ZPBP2: variants seen among roughly 807,000 people sequenced by gnomAD.
ZPBP2 encodes the protein zona pellucida binding protein 2.
A neutral mutation model predicts 37.5 loss-of-function variants in ZPBP2; 34 were observed. That is an observed-to-expected ratio of 0.91 (90% CI 0.69 to 1.21). The LOEUF is 1.21. Among genes scored for constraint, ZPBP2 ranks in the 50% most tolerant of loss-of-function variants. The pLI, the probability that ZPBP2 is intolerant of heterozygous loss-of-function variation, is 0.00. For synonymous variants in ZPBP2, 143 were observed against 138.4 expected, an observed-to-expected ratio of 1.03 and a Z score of -0.23; for missense variants, 397 against 413.5, an observed-to-expected ratio of 0.96 and a Z score of 0.35.
At chr17:39,876,562 T>C in intron 7 of ZPBP2, 120 bp from the exon 8 acceptor site, 5 of 1,058,244 alleles carry the variant, frequency 4.7e-6, no homozygotes, top group South Asian at 1.6e-5. Flanking sequence ...TGGTATAATA[T>C]AGGTACTGAA....
At position 39,868,233 on chromosome 17, in the gene ZPBP2, G is replaced by T; in HGVS notation, c.-122G>T. 1 of 1,128,172 alleles carries T rather than the reference G, an allele frequency of 8.9e-7. No homozygotes were observed. Among genetic ancestry groups the T allele is most frequent in the South Asian group, 1.5e-5 (1 of 64,752 alleles). 69.9% of individuals were successfully genotyped at this position (1,128,172 alleles called of 1,614,324 possible). On this transcript the variant is annotated 5_prime_UTR_variant, in exon 1 of 8. Transcript: ENST00000348931. Reference sequence around the variant, plus strand: ...CCGCTCCCGCCGTTGCGACGGACGGGTAGGGGAGGCGACCCCGGCGTTCTG... The same window carrying T: ...CCGCTCCCGCCGTTGCGACGGACGGTTAGGGGAGGCGACCCCGGCGTTCTG...
intron 7 of ZPBP2, among the ~76,000 whole-genome samples, chr17:39,875,775 A>C (rs910325283): frequency 6.7e-6 from 1 of 149,834 alleles, no homozygotes; most frequent in Non-Finnish European, 1.5e-5. Context: ...ACAGAGTTTC[A>C]CCATGTTGGC....
In ZPBP2 at chr17:39,877,352, A is replaced by C. The variant is rs2063395179; in HGVS notation, c.*543A>C. 6.6e-6 allele frequency: 1 copy of C among 152,238 alleles called. No homozygotes were observed. Among genetic ancestry groups the C allele is most frequent in the Admixed American group, 6.5e-5 (1 of 15,274 alleles). 9.4% of individuals were successfully genotyped at this position (152,238 alleles called of 1,614,324 possible). A position where few individuals can be genotyped will look rare whatever the true frequency, so the allele number is the denominator to read the frequency against. On this transcript the variant is annotated 3_prime_UTR_variant, in exon 8 of 8. Transcript: ENST00000348931. ...GAGTTCCATACACCCACTGCACCCCATACCCTCATTCCTCCTTACACAATT... is the reference window on the plus strand; with the variant it reads ...GAGTTCCATACACCCACTGCACCCCCTACCCTCATTCCTCCTTACACAATT...
rs1482450101 is a variant in ZPBP2 at position 39,868,692 on chromosome 17, G to C, written c.118+78G>C. On this transcript the variant is annotated intron_variant, in intron 2 of 7. Transcript: ENST00000348931. The stretch of plus-strand genomic sequence containing the variant: ...GCTCTTCCCGGAAGAGCTTCCTGGA[G>C]AGAAGGGGAACGAGCCAGCGTTTAT... 3.9e-6 allele frequency: 6 copies of C among 1,540,874 alleles called. No homozygotes were observed. The South Asian group carries it at 5.6e-5, about 14-fold the overall frequency.
rs1045416095 is a variant in ZPBP2 at position 39,877,067 on chromosome 17, A to G, written c.*258A>G. 2.9e-6 allele frequency: 1 copy of G among 340,678 alleles called. No individual in the cohort carries two copies. Among genetic ancestry groups the G allele is most frequent in the Admixed American group, 4.0e-5 (1 of 25,068 alleles). The allele number at this position is 340,678 out of a possible 1,614,324, so 21.1% of individuals were successfully genotyped here. A position where few individuals can be genotyped will look rare whatever the true frequency, so the allele number is the denominator to read the frequency against. On this transcript the variant is annotated 3_prime_UTR_variant, in exon 8 of 8. Coordinates refer to ENST00000348931, the MANE Select transcript of ZPBP2 (RefSeq NM_199321.3). ...AAATGTTTTATTGTTTACAAACGGT[A>G]TGTTGCTGTGTACCTAAGAGTATAG... is the stretch of plus-strand genomic sequence containing the variant.
intron 6 of ZPBP2, among the ~76,000 whole-genome samples, chr17:39,874,606 AT>A (rs2063380581): frequency 6.7e-6 from 1 of 149,968 alleles, no homozygotes; most frequent in Non-Finnish European, 1.5e-5. Flanking sequence ...TAAGTTTTGT[AT>A]TTTTTATTAG....
chr17:39,869,781 C>T (rs1212183382), intron 2 of ZPBP2, among the ~76,000 whole-genome samples: 1 of 135,614 alleles, frequency 7.4e-6, no homozygotes, highest in East Asian at 2.2e-4. Flanking sequence ...GGTGTGATCT[C>T]GGGTCGCTGC....
chr17:39,868,274 G>C lies in ZPBP2; in HGVS notation c.-81G>C. ...CGGCGTTCTGCTCCGCACTGTGGAG[G>C]AGGTGGGGAGGTGTTGGGCCAGGGC... On this transcript the variant is annotated 5_prime_UTR_variant, in exon 1 of 8. Coordinates refer to ENST00000348931, the MANE Select transcript of ZPBP2 (RefSeq NM_199321.3). 6.6e-7 allele frequency: 1 copy of C among 1,513,972 alleles called. No individual in the cohort carries two copies. Among genetic ancestry groups the C allele is most frequent in the Non-Finnish European group, 9.0e-7 (1 of 1,109,718 alleles). The allele number at this position is 1,513,972 out of a possible 1,614,324, so 93.8% of individuals were successfully genotyped here.
chr17:39,874,699 C>T (rs1429649248), intron 6 of ZPBP2, among the ~76,000 whole-genome samples: 2 of 152,098 alleles, frequency 1.3e-5, no homozygotes, highest in Non-Finnish European at 2.9e-5. Context: ...TCCCAAAGTG[C>T]TGGGATCACA....
intron 6 of ZPBP2, 155 bp downstream of exon 6, chr17:39,873,281 AT>A: frequency 5.2e-6 from 1 of 190,702 alleles, no homozygotes; most frequent in Non-Finnish European, 9.7e-6. Context: ...AGGAGGAAGT[AT>A]TTGAAAATCA....
rs367962337 is a variant in ZPBP2, at chr17:39,876,900, A to G, written c.*91A>G. The stretch of plus-strand genomic sequence containing the variant: ...ATCATAGATAGTTCCATTAAGTAAA[A>G]TCAGTAAGACCAAACCACTGGAAAA... On this transcript the variant is annotated 3_prime_UTR_variant, in exon 8 of 8. Coordinates refer to ENST00000348931, the MANE Select transcript of ZPBP2 (RefSeq NM_199321.3). 3.0e-5 allele frequency: 46 copies of G among 1,516,684 alleles called. 1 individual carries two copies. The highest frequency in any genetic ancestry group is 2.5e-4 in the East Asian group (11 of 43,260). 94.0% of individuals were successfully genotyped at this position (1,516,684 alleles called of 1,614,324 possible).
At chr17:39,874,777 G>A (rs9903250) in intron 6 of ZPBP2, among the ~76,000 whole-genome samples, 64,814 of 151,732 alleles carry the variant, frequency 0.43, 14,504 homozygotes, top group Non-Finnish European at 0.49. Context: ...TCTGAGACGG[G>A]GTCTCGCTCT....
In ZPBP2 at chr17:39,868,379, T is replaced by C. The variant is rs371535126; in HGVS notation, c.25T>C (p.Ser9Pro). MMRTCVLL[S>P]AVLWCLTGVQ... ...GATGATGCGAACGTGCGTCCTACTC[T>C]CCGCGGTGCTCTGGTGCCTCACAGG... is the stretch of plus-strand genomic sequence containing the variant. Residue 9 changes from serine (S) to proline (P), a missense_variant, in exon 1 of 8, where the codon TCC becomes CCC. Physicochemically the swap from Ser to Pro is moderately conservative, Grantham distance 74. Transcript: ENST00000348931. The C allele has an allele frequency of 4.3e-6, 7 of 1,610,122 alleles. No homozygotes were observed. The highest frequency in any genetic ancestry group is 1.3e-5 in the African/African-American group (1 of 74,902).
chr17:39,868,474 G>T, intron 1 of ZPBP2, 68 bp downstream of exon 1: 2 of 1,612,468 alleles, frequency 1.2e-6, no homozygotes. Flanking sequence ...TGCCTCCTTC[G>T]CCTCGCCCTG....
chr17:39,868,536 A>G lies in ZPBP2; in HGVS notation c.53-13A>G. 1.2e-6 allele frequency: 2 copies of G among 1,614,010 alleles called. No individual in the cohort carries two copies. The highest frequency in any genetic ancestry group is 1.7e-6 in the Non-Finnish European group (2 of 1,179,988). On this transcript the variant is annotated splice_polypyrimidine_tract_variant and intron_variant, in intron 1 of 7. Coordinates refer to ENST00000348931, the MANE Select transcript of ZPBP2 (RefSeq NM_199321.3). Reference sequence around the variant, plus strand: ...TCTTCTAACTAAAAGTCAGTGTTTTATTTCCTCCGCAGTCCAATGCCCGCG... The same window carrying G: ...TCTTCTAACTAAAAGTCAGTGTTTTGTTTCCTCCGCAGTCCAATGCCCGCG...
intron 7 of ZPBP2, among the ~76,000 whole-genome samples, 156 bp downstream of exon 7, chr17:39,875,590 C>T (rs2063385730): frequency 6.7e-6 from 1 of 148,230 alleles, no homozygotes; most frequent in African/African-American, 2.6e-5. Flanking sequence ...ATTCAAAGCC[C>T]CAATTTTTTT....
rs1417364358 is a variant in ZPBP2, at chr17:39,877,674, G to T, written c.*865G>T. ...GCCTTTTCCAAAATGTCATGTAGTTGGTTGGAGTTATGCAGTATGTAGACT... is the reference window on the plus strand; with the variant it reads ...GCCTTTTCCAAAATGTCATGTAGTTTGTTGGAGTTATGCAGTATGTAGACT... On this transcript the variant is annotated 3_prime_UTR_variant, in exon 8 of 8. Coordinates refer to ENST00000348931, the MANE Select transcript of ZPBP2 (RefSeq NM_199321.3). 6.6e-6 allele frequency: 1 copy of T among 152,126 alleles called. No homozygotes were observed. Among genetic ancestry groups the T allele is most frequent in the Non-Finnish European group, 1.5e-5 (1 of 68,028 alleles). 9.4% of individuals were successfully genotyped at this position (152,126 alleles called of 1,614,324 possible).
In ZPBP2 at chr17:39,868,406, G is replaced by A. The variant is rs1162084951; in HGVS notation, c.52G>A (p.Val18Ile). Residue 18 changes from valine to isoleucine, a missense_variant and splice_region_variant, in exon 1 of 8, where the codon GTC (valine) becomes ATC (isoleucine). Coordinates refer to ENST00000348931, the MANE Select transcript of ZPBP2 (RefSeq NM_199321.3). The stretch of plus-strand genomic sequence containing the variant: ...CGCGGTGCTCTGGTGCCTCACAGGA[G>A]GTGGGGCTCCCTCCACCCGGTCCCC... ...LSAVLWCLTG[V>I]QCPRFTLFNK... is the part of the protein sequence containing the mutation. 2 of 1,610,762 alleles carry A rather than the reference G, an allele frequency of 1.2e-6. No individual in the cohort carries two copies. The highest frequency in any genetic ancestry group is 3.3e-4 in the Middle Eastern group (2 of 6,050).
intron 2 of ZPBP2, among the ~76,000 whole-genome samples, chr17:39,869,536 C>A (rs2063352326): frequency 6.6e-6 from 1 of 150,734 alleles, no homozygotes; most frequent in Non-Finnish European, 1.5e-5. Flanking sequence ...TCCCTAGTGG[C>A]TGGGATTACA....
Sources: allele counts gnomAD v4.1 joint callset (sites outside exome capture counted in the v4.1 genomes callset), GRCh38; gene constraint gnomAD v4.1.1; transcripts MANE v1.5; gene names NCBI Gene and HGNC (gene_info 2026-07-23, HGNC 2026-07-21).